The following CSF1R variants were observed in gnomAD, a reference collection of about 807,000 sequenced individuals.
CSF1R encodes the protein macrophage colony-stimulating factor 1 receptor.
In CSF1R, 40 loss-of-function variants were observed where a neutral mutation model predicts 110.0. The ratio of observed to expected loss-of-function variants is 0.36; its 90% CI spans 0.28 to 0.47. The LOEUF (loss-of-function observed/expected upper bound fraction) is 0.47, where lower values mean the gene tolerates loss of function less well. CSF1R is among the 20% of genes least tolerant of loss of function. The probability of loss-of-function intolerance (pLI) is 0.99; values close to 1 mark genes in which losing one functional copy is unlikely to be tolerated. For synonymous variants in CSF1R, 523 were observed against 503.4 expected, an observed-to-expected ratio of 1.04 and a Z score of -0.52; for missense variants, 1,052 against 1,253.0, an observed-to-expected ratio of 0.84 and a Z score of 2.42.
At chr5:150,111,262 C>G (rs1372743456) in intron 1 of CSF1R, among the ~76,000 whole-genome samples, 5 of 152,136 alleles carry the variant, frequency 3.3e-5, no homozygotes, top group African/African-American at 1.2e-4. Context: ...TTTCCAGGAA[C>G]AAGAACCCCG....
rs193251097 is a variant in CSF1R, at chr5:150,065,497, T to C, written c.1626+2718A>G. On this transcript the variant is annotated intron_variant, in intron 10 of 20. Coordinates refer to ENST00000675795, the MANE Select transcript of CSF1R (RefSeq NM_001288705.3). ...GGACAGAAAGGTGATGATTCAGCCCTGAGGCAGAACAAACACTCCCCACAG... is the reference window on the plus strand; with the variant it reads ...GGACAGAAAGGTGATGATTCAGCCCCGAGGCAGAACAAACACTCCCCACAG... Among the ~76,000 whole-genome samples, 648 of 152,316 alleles carry C rather than the reference T, an allele frequency of 4.3e-3. 6 individuals carry two copies. The highest frequency in any genetic ancestry group is 0.015 in the African/African-American group (609 of 41,570).
intron 18 of CSF1R, 127 bp downstream of exon 18, chr5:150,055,899 G>T: frequency 1.3e-6 from 1 of 790,444 alleles, no homozygotes; most frequent in South Asian, 1.8e-5. Context: ...GGTTTCGAGA[G>T]CCCTTGCCCA....
At chr5:150,081,148 A>ACGAGCC in intron 1 of CSF1R, 124 bp from the exon 2 acceptor site, 1 of 1,072,658 alleles carries the variant, frequency 9.3e-7, no homozygotes, top group Non-Finnish European at 1.3e-6. Context: ...ACCACCTTGA[A>ACGAGCC]CGAGCCCCTG....
chr5:150,054,064 A>C lies in CSF1R; in HGVS notation c.*5T>G, dbSNP rs894716510. On this transcript the variant is annotated 3_prime_UTR_variant, in exon 21 of 21. Transcript: ENST00000675795. ...GGGAGAGTGGTACTCCCTGTCGTCA[A>C]CTCCTCAGCAGAACTGATAGTTGTT... The C allele has an allele frequency of 3.7e-6, 6 of 1,613,774 alleles. No individual in the cohort carries two copies. The South Asian group carries it at 6.6e-5, about 18-fold the overall frequency.
chr5:150,089,934 C>A (rs1389258765), upstream of CSF1R, among the ~76,000 whole-genome samples: 1 of 152,032 alleles, frequency 6.6e-6, no homozygotes, highest in African/African-American at 2.4e-5. Flanking sequence ...GGAGAATGAC[C>A]AGTTTTTTCA....
intron 10 of CSF1R, among the ~76,000 whole-genome samples, chr5:150,065,694 G>T (rs1314746236): frequency 6.6e-6 from 1 of 151,728 alleles, no homozygotes; most frequent in Non-Finnish European, 1.5e-5. Context: ...GGACACCTCG[G>T]CCTGGAGCTA....
intron 5 of CSF1R, among the ~76,000 whole-genome samples, chr5:150,075,257 C>T (rs140036648): frequency 1.3e-5 from 2 of 152,314 alleles, no homozygotes; most frequent in East Asian, 3.9e-4. Context: ...TCCATTCATC[C>T]ATCCAAACAC....
chr5:150,061,686 T>A (rs1178698420), intron 11 of CSF1R, 37 bp downstream of exon 11: 1 of 1,614,130 alleles, frequency 6.2e-7, no homozygotes, highest in South Asian at 1.1e-5. Context: ...ACAGGCCCTG[T>A]GATAGGAAGC....
rs763029749 is a variant in CSF1R at position 150,060,907 on chromosome 5, G to A, written c.1924C>T (p.Gln642Ter). ...SELKIMSHLG[Q>*]HENIVNLLGA... ...AGAAGGTTGACGATGTTCTCGTGCT[G>A]GCCCAGGTGGCTCATGATCTTCAGC... The change falls in exon 13 of 21, where the codon CAG (glutamine) becomes TAG (stop). Residue 642 changes from glutamine to a stop codon, truncating the protein, a stop_gained. Transcript: ENST00000675795. LOFTEE classifies it high-confidence loss of function. 1.9e-6 allele frequency: 3 copies of A among 1,611,516 alleles called. No individual in the cohort carries two copies. The highest frequency in any genetic ancestry group is 8.5e-7 in the Non-Finnish European group (1 of 1,178,894).
chr5:150,084,343 A>AAAAGAAAGAAAGAAAGAAAGAAAG (rs747780303), intron 1 of CSF1R, among the ~76,000 whole-genome samples: 149 of 84,160 alleles, frequency 1.8e-3, no homozygotes, highest in African/African-American at 2.7e-3. Context: ...AAAGATAGAA[A>AAAAGAAAGAAAGAAAGAAAGAAAG]AAAGAAAGAA....
chr5:150,057,922 C>G (rs183669816), intron 14 of CSF1R, among the ~76,000 whole-genome samples: 1 of 152,172 alleles, frequency 6.6e-6, no homozygotes, highest in Non-Finnish European at 1.5e-5. Flanking sequence ...CCATAACAGC[C>G]CTACTAGAAT....
chr5:150,055,905 G>C, intron 18 of CSF1R, 121 bp downstream of exon 18: 1 of 841,406 alleles, frequency 1.2e-6, no homozygotes, highest in Non-Finnish European at 1.9e-6. Flanking sequence ...GAGAGCCCTT[G>C]CCCATTCCTG....
At position 150,073,230 on chromosome 5, in the gene CSF1R, C is replaced by T. The variant is rs10044553; in HGVS notation, c.1082+71G>A. On this transcript the variant is annotated intron_variant, in intron 6 of 20. Transcript: ENST00000675795. Reference sequence around the variant, plus strand: ...CACCAAGGTTGGGACATGAGCCAAGCGTCCTGATGCTTGCTGAAGCATACC... The same window carrying T: ...CACCAAGGTTGGGACATGAGCCAAGTGTCCTGATGCTTGCTGAAGCATACC... The T allele has an allele frequency of 0.13, 189,857 of 1,476,966 alleles. 19,285 individuals carry two copies. Among genetic ancestry groups the T allele is most frequent in the East Asian group, 0.47 (20,561 of 43,426 alleles). The allele number at this position is 1,476,966 out of a possible 1,614,324, so 91.5% of individuals were successfully genotyped here.
chr5:150,093,808 A>G (rs1262865409), intron 1 of CSF1R, among the ~76,000 whole-genome samples: 1 of 152,208 alleles, frequency 6.6e-6, no homozygotes, highest in Non-Finnish European at 1.5e-5. Context: ...TCACGCCTGT[A>G]ATCCCAGCAC....
rs186013603 is a variant in CSF1R, at chr5:150,072,981, G to C, written c.1082+320C>G. Reference sequence around the variant, plus strand: ...TTTTCTGCATTTGGATTGGCCCCAAGAGAGGAAAATGAATGAGGCTGAGGG... The same window carrying C: ...TTTTCTGCATTTGGATTGGCCCCAACAGAGGAAAATGAATGAGGCTGAGGG... On this transcript the variant is annotated intron_variant, in intron 6 of 20. Coordinates refer to ENST00000675795, the MANE Select transcript of CSF1R (RefSeq NM_001288705.3). Among the ~76,000 whole-genome samples the C allele has an allele frequency of 2.0e-5, 3 of 152,340 alleles. No homozygotes were observed. In the East Asian group the frequency reaches 5.8e-4, roughly 29 times the overall value.
At chr5:150,095,948 CTCT>C (rs1387928919) in intron 1 of CSF1R, among the ~76,000 whole-genome samples, 11 of 152,256 alleles carry the variant, frequency 7.2e-5, no homozygotes, top group African/African-American at 2.6e-4. Context: ...TGCTAAAATT[CTCT>C]TAAGAAGAAA....
At chr5:150,077,117 C>T in intron 5 of CSF1R, 159 bp downstream of exon 5, 1 of 886,636 alleles carries the variant, frequency 1.1e-6, no homozygotes, top group Non-Finnish European at 1.8e-6. Flanking sequence ...AGGGAAAGCT[C>T]CTGGAGAGTG....
intron 1 of CSF1R, among the ~76,000 whole-genome samples, chr5:150,100,270 AC>A (rs767613826): frequency 2.5e-4 from 37 of 148,626 alleles, no homozygotes; most frequent in Non-Finnish European, 4.5e-4. Context: ...TTTTAAGTGA[AC>A]CTAAGATCAT....
chr5:150,082,594 G>A (rs1276680518), intron 1 of CSF1R, among the ~76,000 whole-genome samples: 1 of 152,222 alleles, frequency 6.6e-6, no homozygotes, highest in Non-Finnish European at 1.5e-5. Context: ...TATCACTGCT[G>A]CAGCAATCTA....
Sources: allele counts gnomAD v4.1 joint callset (sites outside exome capture counted in the v4.1 genomes callset), GRCh38; gene constraint gnomAD v4.1.1; transcripts MANE v1.5; gene names NCBI Gene and HGNC (gene_info 2026-07-23, HGNC 2026-07-21).